The following EPHB1 variants were observed in gnomAD, a reference collection of about 807,000 sequenced individuals.
EPHB1 encodes the protein EPH receptor B1.
Under a neutral mutation model 94.4 loss-of-function variants are expected in EPHB1, and 30 were observed. That is an observed-to-expected ratio of 0.32 (90% confidence interval 0.24 to 0.43). The LOEUF (loss-of-function observed/expected upper bound fraction) is 0.43. EPHB1 is among the 20% of genes least tolerant of loss of function. The pLI is 1.00. For missense variants in EPHB1, 1,055 were observed against 1,308.3 expected (o/e 0.81, Z 2.99); for synonymous variants, 522 against 489.1 (o/e 1.07, Z -0.89).
intron 3 of EPHB1, among the ~76,000 whole-genome samples, chr3:134,974,525 T>C (rs1934106141): frequency 6.6e-6 from 1 of 152,222 alleles, no homozygotes; most frequent in South Asian, 2.1e-4. Context: ...TTAGCTGTTA[T>C]TATTTTCCAC....
intron 3 of EPHB1, among the ~76,000 whole-genome samples, chr3:134,962,130 T>G (rs567510319): frequency 8.0e-4 from 122 of 152,324 alleles, no homozygotes; most frequent in African/African-American, 2.9e-3. Context: ...TCCCTATACC[T>G]TTGCCAAGAT....
intron 10 of EPHB1, among the ~76,000 whole-genome samples, 153 bp downstream of exon 10, chr3:135,180,135 G>T (rs1942115155): frequency 6.6e-6 from 1 of 152,164 alleles, no homozygotes; most frequent in Non-Finnish European, 1.5e-5. Context: ...CTATCTACAT[G>T]TGTATCTAGG....
chr3:135,023,732 A>G (rs1347951533), intron 3 of EPHB1, among the ~76,000 whole-genome samples: 1 of 152,126 alleles, frequency 6.6e-6, no homozygotes, highest in East Asian at 1.9e-4. Flanking sequence ...GACTGTGTCA[A>G]TTTGTAGTAT....
At chr3:135,015,354 C>T (rs2107750985) in intron 3 of EPHB1, among the ~76,000 whole-genome samples, 1 of 152,144 alleles carries the variant, frequency 6.6e-6, no homozygotes, top group East Asian at 1.9e-4. Flanking sequence ...GATTCTCCTG[C>T]CTCAGCCTCC....
intron 15 of EPHB1, among the ~76,000 whole-genome samples, chr3:135,250,072 G>A (rs1015007941): frequency 2.0e-5 from 3 of 152,184 alleles, no homozygotes; most frequent in African/African-American, 7.2e-5. Flanking sequence ...AGAATGTTCT[G>A]AGAAGCACCA....
intron 3 of EPHB1, among the ~76,000 whole-genome samples, chr3:135,105,544 A>G (rs759729916): frequency 5.3e-5 from 8 of 152,218 alleles, no homozygotes; most frequent in Admixed American, 1.3e-4. Context: ...TCTGGGCTCA[A>G]AAGTCTTTAC....
chr3:135,165,665 C>A (rs766406926), intron 7 of EPHB1, among the ~76,000 whole-genome samples: 3 of 152,156 alleles, frequency 2.0e-5, no homozygotes, highest in African/African-American at 7.2e-5. Context: ...GACAGTTCTT[C>A]GAGAGACCTT....
chr3:135,239,625 T>C lies in EPHB1; in HGVS notation c.2347-1523T>C, dbSNP rs565687612. Among the ~76,000 whole-genome samples the C allele has an allele frequency of 2.6e-5, 4 of 152,256 alleles. No homozygotes were observed. The South Asian group carries it at 8.3e-4, about 32-fold the overall frequency. On this transcript the variant is annotated intron_variant, in intron 12 of 15. Coordinates refer to ENST00000398015, the MANE Select transcript of EPHB1 (RefSeq NM_004441.5). The stretch of plus-strand genomic sequence containing the variant: ...TATTTGCTATAGGGAGTGATGAGCT[T>C]TTGAGGACAGCCTTGGCAAGAACCC...
intron 3 of EPHB1, among the ~76,000 whole-genome samples, chr3:134,969,596 T>C (rs1559776575): frequency 6.6e-6 from 1 of 152,174 alleles, no homozygotes; most frequent in Non-Finnish European, 1.5e-5. Context: ...TTCTTTTCTG[T>C]GAATTATTAT....
rs756336032 is a variant in EPHB1 at position 135,248,504 on chromosome 3, C to T, written c.2685C>T (p.Thr895=). 17 of 1,595,870 alleles carry T rather than the reference C, an allele frequency of 1.1e-5. No individual in the cohort carries two copies. The highest frequency in any genetic ancestry group is 2.3e-5 in the East Asian group (1 of 44,136). ...PASLKTVATI[T]AVPSQPLLDR... The stretch of plus-strand genomic sequence containing the variant: ...GTCTCAAGACTGTGGCAACCATCAC[C>T]GCCGTGTGAGTCTAGTGAAACGGTG... The change falls in exon 14 of 16, where the codon ACC becomes ACT. Residue 895 remains threonine, a synonymous_variant. Coordinates refer to ENST00000398015, the MANE Select transcript of EPHB1 (RefSeq NM_004441.5).
At chr3:135,177,830 CACT>C (rs945755392) in intron 9 of EPHB1, among the ~76,000 whole-genome samples, 2 of 152,214 alleles carry the variant, frequency 1.3e-5, no homozygotes, top group African/African-American at 4.8e-5. Flanking sequence ...TCTTACTCTT[CACT>C]TGTTCTTTAT....
intron 10 of EPHB1, among the ~76,000 whole-genome samples, chr3:135,181,168 C>A (rs1036373103): frequency 1.3e-5 from 2 of 152,126 alleles, no homozygotes; most frequent in East Asian, 1.9e-4. Context: ...CCCATTAGGC[C>A]GCCATCTTCC....
intron 2 of EPHB1, among the ~76,000 whole-genome samples, chr3:134,937,912 C>CTTTT (rs113610495): frequency 8.2e-6 from 1 of 122,584 alleles, no homozygotes. Flanking sequence ...TGGTTCCCTC[C>CTTTT]TTTTTTTTTT....
chr3:135,155,787 C>CAAAAAAA (rs35095229), intron 6 of EPHB1, among the ~76,000 whole-genome samples: 1 of 59,476 alleles, frequency 1.7e-5, no homozygotes, highest in Non-Finnish European at 3.1e-5. Flanking sequence ...AAGACTTTGT[C>CAAAAAAA]AAAAAAAAAA....
chr3:134,844,398 T>C (rs1032684608), intron 1 of EPHB1, among the ~76,000 whole-genome samples: 1 of 152,222 alleles, frequency 6.6e-6, no homozygotes, highest in Non-Finnish European at 1.5e-5. Context: ...GCCTTAGGGC[T>C]GGCCAGGAGT....
At chr3:134,968,503 C>T (rs1338525164) in intron 3 of EPHB1, among the ~76,000 whole-genome samples, 2 of 152,076 alleles carry the variant, frequency 1.3e-5, no homozygotes, top group South Asian at 2.1e-4. Flanking sequence ...ATGGGTTTGT[C>T]CAGTTTATTA....
chr3:135,090,168 T>A (rs1938506275), intron 3 of EPHB1, among the ~76,000 whole-genome samples: 1 of 152,234 alleles, frequency 6.6e-6, no homozygotes, highest in Non-Finnish European at 1.5e-5. Context: ...CCAGATGATC[T>A]GATTTGCAAC....
At chr3:135,053,025 GTGTATATATATA>G (rs1320142073) in intron 3 of EPHB1, among the ~76,000 whole-genome samples, 5 of 90,640 alleles carry the variant, frequency 5.5e-5, no homozygotes, top group East Asian at 3.1e-4. Flanking sequence ...GTGTGTGTGT[GTGTATATATATA>G]TATATATATA....
At chr3:135,246,427 T>C (rs1248824230) in intron 13 of EPHB1, among the ~76,000 whole-genome samples, 2 of 152,186 alleles carry the variant, frequency 1.3e-5, no homozygotes, top group African/African-American at 4.8e-5. Flanking sequence ...TTTAGCCCCA[T>C]GCCCTTGTTG....
Sources: gnomAD v4.1 joint callset for allele counts (sites outside exome capture counted in the v4.1 genomes callset) on GRCh38, gnomAD v4.1.1 for gene constraint, MANE v1.5 for transcripts, NCBI Gene and HGNC (gene_info 2026-07-23, HGNC 2026-07-21) for gene names.